The following CSMD1 variants were observed in gnomAD, a reference collection of about 807,000 sequenced individuals.
CSMD1 encodes the protein CUB and Sushi multiple domains 1.
CSMD1 carries 213 observed loss-of-function variants against 417.5 expected under a neutral mutation model. The observed-to-expected ratio is 0.51, with a 90% confidence interval of 0.46 to 0.57. CSMD1 has a LOEUF of 0.57. Among genes scored for constraint, CSMD1 ranks in the 20% least tolerant of loss-of-function variants. The pLI, the probability that CSMD1 is intolerant of heterozygous loss-of-function variation, is 0.00. For missense variants in CSMD1, 6,923 were observed against 4,529.7 expected (o/e 1.53, Z -15.17); for synonymous variants, 2,862 against 1,736.8 (o/e 1.65, Z -16.11).
At chr8:4,472,577 C>A (rs1800596349) in intron 2 of CSMD1, among the ~76,000 whole-genome samples, 1 of 152,086 alleles carries the variant, frequency 6.6e-6, no homozygotes, top group South Asian at 2.1e-4. Context: ...GAAAGTTATT[C>A]ATCATCACTT....
chr8:4,930,370 C>T (rs1807166097), intron 1 of CSMD1, among the ~76,000 whole-genome samples: 1 of 151,300 alleles, frequency 6.6e-6, no homozygotes, highest in Admixed American at 6.6e-5. Flanking sequence ...TAGGTGCGCG[C>T]ACACACACAC....
At chr8:4,878,156 T>G (rs1292812525) in intron 1 of CSMD1, among the ~76,000 whole-genome samples, 1 of 152,014 alleles carries the variant, frequency 6.6e-6, no homozygotes, top group Non-Finnish European at 1.5e-5. Context: ...AGAAAATTAT[T>G]TTAGAATGAG....
chr8:4,236,198 C>T (rs977829022), intron 3 of CSMD1, among the ~76,000 whole-genome samples: 1 of 151,924 alleles, frequency 6.6e-6, no homozygotes, highest in Admixed American at 6.6e-5. Context: ...ACATGATGTA[C>T]GTCTGCGGGA....
intron 2 of CSMD1, among the ~76,000 whole-genome samples, chr8:4,448,869 C>A (rs1248692745): frequency 6.6e-6 from 1 of 152,158 alleles, no homozygotes; most frequent in Non-Finnish European, 1.5e-5. Context: ...GTATCCAATT[C>A]TCTTATTCAC....
At chr8:3,596,547 G>C (rs544047958) in intron 8 of CSMD1, among the ~76,000 whole-genome samples, 1 of 152,120 alleles carries the variant, frequency 6.6e-6, no homozygotes, top group Non-Finnish European at 1.5e-5. Context: ...TAAATCCGTG[G>C]TTGATCAGTA....
chr8:4,639,339 G>A (rs1459533783), intron 1 of CSMD1, among the ~76,000 whole-genome samples: 10 of 150,810 alleles, frequency 6.6e-5, no homozygotes, highest in African/African-American at 2.4e-4. Context: ...TGAAGCAAGA[G>A]GAGCCAAAGC....
At chr8:4,786,388 C>G (rs938036482) in intron 1 of CSMD1, among the ~76,000 whole-genome samples, 12 of 152,156 alleles carry the variant, frequency 7.9e-5, no homozygotes. Context: ...GAACATGCAT[C>G]GGTCAAGTAA....
Position 3,239,359 on chromosome 8 carries a change from A to G in CSMD1, c.4154-9128T>C, listed in dbSNP as rs535508544. Among the ~76,000 whole-genome samples the G allele has an allele frequency of 4.0e-5, 6 of 149,230 alleles. No homozygotes were observed. The East Asian group carries it at 1.2e-3, about 29-fold the overall frequency. On this transcript the variant is annotated intron_variant, in intron 26 of 69. Coordinates refer to ENST00000635120, the MANE Select transcript of CSMD1 (RefSeq NM_033225.6). ...TGTCTGACAGAAGGAAAGAAATGAC[A>G]AGGCTAAACTGAAGAATTATGTCTG...
chr8:4,285,723 G>C (rs113035218), intron 3 of CSMD1, among the ~76,000 whole-genome samples: 1 of 152,162 alleles, frequency 6.6e-6, no homozygotes, highest in Non-Finnish European at 1.5e-5. Flanking sequence ...CAGGGCCACA[G>C]GCTTCTCATC....
chr8:3,381,371 A>T (rs1810616139), intron 18 of CSMD1, among the ~76,000 whole-genome samples: 1 of 152,212 alleles, frequency 6.6e-6, no homozygotes, highest in South Asian at 2.1e-4. Context: ...GCACAGTATC[A>T]TCCAAGAAAG....
intron 1 of CSMD1, among the ~76,000 whole-genome samples, chr8:4,830,978 G>C (rs1236166350): frequency 6.6e-6 from 1 of 152,162 alleles, no homozygotes; most frequent in African/African-American, 2.4e-5. Context: ...TAATCAACGA[G>C]GCATTTAGAG....
intron 5 of CSMD1, among the ~76,000 whole-genome samples, chr8:3,843,004 G>T (rs1803234743): frequency 6.6e-6 from 1 of 152,128 alleles, no homozygotes; most frequent in Non-Finnish European, 1.5e-5. Context: ...GATTTCTAAA[G>T]CAACCCTGAA....
intron 1 of CSMD1, among the ~76,000 whole-genome samples, chr8:4,946,491 G>C (rs562958008): frequency 5.3e-5 from 8 of 152,184 alleles, no homozygotes; most frequent in Non-Finnish European, 1.2e-4. Flanking sequence ...ACCCTCCCCA[G>C]GTACAATATG....
intron 1 of CSMD1, among the ~76,000 whole-genome samples, chr8:4,989,072 T>C (rs10110214): frequency 0.05 from 7,665 of 152,296 alleles, 628 homozygotes; most frequent in African/African-American, 0.17. Flanking sequence ...CATTTAGGCA[T>C]GAATACCTAA....
chr8:4,478,251 T>G (rs776761895), intron 2 of CSMD1, among the ~76,000 whole-genome samples: 1 of 152,202 alleles, frequency 6.6e-6, no homozygotes. Flanking sequence ...TTAGAAATGC[T>G]TATTTCCCAA....
intron 1 of CSMD1, among the ~76,000 whole-genome samples, chr8:4,961,392 G>C (rs1809472616): frequency 6.6e-6 from 1 of 152,006 alleles, no homozygotes; most frequent in Non-Finnish European, 1.5e-5. Flanking sequence ...TAGAATGTTT[G>C]TCTCAACTTC....
In CSMD1 at chr8:4,245,991, G is replaced by C. The variant is rs74840308; in HGVS notation, c.415+173962C>G. Among the ~76,000 whole-genome samples the C allele has an allele frequency of 4.5e-3, 688 of 152,282 alleles. 10 individuals are homozygous for C. The highest frequency in any genetic ancestry group is 0.016 in the African/African-American group (655 of 41,554). On this transcript the variant is annotated intron_variant, in intron 3 of 69. Transcript: ENST00000635120. ...GGGCCGTGGACAGGGATGGTCTCAT[G>C]AACATGCAACCTAGGTCAGTTATTT...
In CSMD1 at chr8:3,412,015, C is replaced by CACGTATATATACGTGT. The variant is rs1563362192; in HGVS notation, c.1562-2411_1562-2410insACACGTATATATACGT. 9.1e-4 allele frequency among the ~76,000 whole-genome samples: 4 copies of CACGTATATATACGTGT among 4,406 alleles called. 2 individuals are homozygous for CACGTATATATACGTGT. Among genetic ancestry groups the CACGTATATATACGTGT allele is most frequent in the African/African-American group, 2.8e-3 (4 of 1,404 alleles). The allele number at this position is 4,406 out of a possible 152,430, so 2.9% of individuals were successfully genotyped here. On this transcript the variant is annotated intron_variant, in intron 12 of 69. Transcript: ENST00000635120. ...ACGTGTATATACACGTATATATATA[C>CACGTATATATACGTGT]ATATACACACGTATATATACACATA... is the stretch of plus-strand genomic sequence containing the variant.
intron 3 of CSMD1, among the ~76,000 whole-genome samples, chr8:4,160,900 C>T (rs1430287826): frequency 6.6e-6 from 1 of 152,168 alleles, no homozygotes. Flanking sequence ...TTGTTCTCTG[C>T]TGAACAAGTG....
Sources: gnomAD v4.1 joint callset for allele counts (sites outside exome capture counted in the v4.1 genomes callset) on GRCh38, gnomAD v4.1.1 for gene constraint, MANE v1.5 for transcripts, NCBI Gene and HGNC (gene_info 2026-07-23, HGNC 2026-07-21) for gene names.